The following MYO5B variants were observed in gnomAD, a reference collection of about 807,000 sequenced individuals.
MYO5B encodes myosin VB, also known as unconventional myosin-Vb.
A neutral mutation model predicts 229.3 loss-of-function variants in MYO5B; 143 were observed. That is an observed-to-expected ratio of 0.62 (90% CI 0.54 to 0.72). The LOEUF (loss-of-function observed/expected upper bound fraction) is 0.72. MYO5B is among the 30% of genes least tolerant of loss of function. MYO5B has a pLI of 0.00. For missense variants in MYO5B, 2,321 were observed against 2,331.0 expected (o/e 1.00, Z 0.09); for synonymous variants, 918 against 885.2 (o/e 1.04, Z -0.66).
chr18:49,996,734 A>T (rs989509161), intron 5 of MYO5B, among the ~76,000 whole-genome samples: 1 of 152,266 alleles, frequency 6.6e-6, no homozygotes, highest in African/African-American at 2.4e-5. Flanking sequence ...GTATGGGAAA[A>T]GCTCTAAGAA....
At chr18:49,884,519 A>G (rs1040661866) in intron 22 of MYO5B, among the ~76,000 whole-genome samples, 2 of 151,908 alleles carry the variant, frequency 1.3e-5, no homozygotes, top group Admixed American at 1.3e-4. Context: ...AGAGTCTTAT[A>G]AGGAAAGTGT....
intron 1 of MYO5B, among the ~76,000 whole-genome samples, chr18:50,057,571 C>T (rs1302008890): frequency 6.6e-6 from 1 of 152,146 alleles, no homozygotes; most frequent in Non-Finnish European, 1.5e-5. Context: ...TAGTTGCATC[C>T]AGCACTGAAG....
At chr18:50,037,040 C>T (rs762271562) in intron 3 of MYO5B, 46 bp from the exon 4 acceptor site, 4 of 1,612,024 alleles carry the variant, frequency 2.5e-6, no homozygotes, top group East Asian at 2.2e-5. Flanking sequence ...CAGAAGACAC[C>T]TGGCATTATT....
intron 10 of MYO5B, among the ~76,000 whole-genome samples, chr18:49,969,390 T>C (rs1484360472): frequency 6.6e-6 from 1 of 152,232 alleles, no homozygotes; most frequent in African/African-American, 2.4e-5. Flanking sequence ...AGAAGTTTAC[T>C]TAAAATATAT....
rs2025922373 is a variant in MYO5B at position 49,990,700 on chromosome 18, G to C, written c.757-180C>G. Among the ~76,000 whole-genome samples the C allele has an allele frequency of 3.3e-5, 5 of 152,068 alleles. No homozygotes were observed. In the South Asian group the frequency reaches 1.0e-3, roughly 32 times the overall value. On this transcript the variant is annotated intron_variant, in intron 6 of 39. Transcript: ENST00000285039. ...TTCCGACTTTCTATTCACTCTTATG[G>C]GGACTTCTTCCAACCTGAGGATTTA... is the stretch of plus-strand genomic sequence containing the variant.
At chr18:50,114,262 T>C (rs1249568814) in intron 1 of MYO5B, among the ~76,000 whole-genome samples, 1 of 152,254 alleles carries the variant, frequency 6.6e-6, no homozygotes, top group Non-Finnish European at 1.5e-5. Flanking sequence ...CGTGCTGTTA[T>C]AATACTGAGT....
At chr18:50,182,475 C>T (rs1185162683) in intron 1 of MYO5B, among the ~76,000 whole-genome samples, 1 of 152,094 alleles carries the variant, frequency 6.6e-6, no homozygotes, top group African/African-American at 2.4e-5. Context: ...AAATGATAAC[C>T]TTGAGAAGGT....
chr18:50,179,028 T>TA (rs1392370162), intron 1 of MYO5B, among the ~76,000 whole-genome samples: 2 of 151,988 alleles, frequency 1.3e-5, no homozygotes, highest in Non-Finnish European at 2.9e-5. Context: ...GAAGAGGAGA[T>TA]AAAATCCAAG....
chr18:50,103,999 T>TAA (rs34686037), intron 1 of MYO5B, among the ~76,000 whole-genome samples: 57 of 131,874 alleles, frequency 4.3e-4, no homozygotes, highest in African/African-American at 1.1e-3. Flanking sequence ...CCATCTCCAT[T>TAA]AAAAAAAAAA....
chr18:49,954,024 ATGTGTGTGTGTGTGTGTG>A (rs766610907), intron 13 of MYO5B, among the ~76,000 whole-genome samples: 94 of 51,134 alleles, frequency 1.8e-3, no homozygotes, highest in African/African-American at 4.1e-3. Context: ...ATGTATTTAT[ATGTGTGTGTGTGTGTGTG>A]TGTGTGTGTG....
chr18:49,984,482 G>C (rs2025849797), intron 8 of MYO5B, among the ~76,000 whole-genome samples: 1 of 152,220 alleles, frequency 6.6e-6, no homozygotes, highest in African/African-American at 2.4e-5. Context: ...CAGTGCCTGG[G>C]AGAGGGACTC....
chr18:49,963,739 TATC>T lies in MYO5B; in HGVS notation c.1323-712_1323-710del, dbSNP rs142786092. 2.0e-3 allele frequency among the ~76,000 whole-genome samples: 312 copies of T among 152,278 alleles called. 1 individual carries two copies. Among genetic ancestry groups the T allele is most frequent in the African/African-American group, 7.3e-3 (303 of 41,552 alleles). On this transcript the variant is annotated intron_variant, in intron 10 of 39. Coordinates refer to ENST00000285039, the MANE Select transcript of MYO5B (RefSeq NM_001080467.3). ...CACCACACCTGGCCTTACCTTCTATTATCATCATTTAACATTCCATTGAAAACA... is the reference window on the plus strand; with the variant it reads ...CACCACACCTGGCCTTACCTTCTATTATCATTTAACATTCCATTGAAAACA...
At chr18:49,858,985 G>A (rs1205034738) in intron 29 of MYO5B, among the ~76,000 whole-genome samples, 1 of 152,202 alleles carries the variant, frequency 6.6e-6, no homozygotes, top group Non-Finnish European at 1.5e-5. Context: ...GAAAATGTAA[G>A]TGCTTGATAT....
intron 12 of MYO5B, among the ~76,000 whole-genome samples, chr18:49,958,781 A>T (rs1044562183): frequency 1.3e-5 from 2 of 151,786 alleles, no homozygotes; most frequent in African/African-American, 4.8e-5. Context: ...CACCCAAGGG[A>T]CTCACGGAGG....
At chr18:49,918,365 C>T (rs1302084207) in intron 17 of MYO5B, among the ~76,000 whole-genome samples, 2 of 152,196 alleles carry the variant, frequency 1.3e-5, no homozygotes, top group Non-Finnish European at 2.9e-5. Context: ...CGGCATAAGG[C>T]CCTAAGTCAC....
At position 49,853,675 on chromosome 18, in the gene MYO5B, C is replaced by A. The variant is rs777188941; in HGVS notation, c.4023-28G>T. ...GTGCCAGGGAGAGGACAGGTGAGCA[C>A]GTGGCCCAGGCCAGGGCCCCCATCT... On this transcript the variant is annotated intron_variant, in intron 30 of 39. Coordinates refer to ENST00000285039, the MANE Select transcript of MYO5B (RefSeq NM_001080467.3). 2.5e-6 allele frequency: 4 copies of A among 1,603,860 alleles called. No homozygotes were observed. In the East Asian group the frequency reaches 8.9e-5, roughly 36 times the overall value.
intron 1 of MYO5B, among the ~76,000 whole-genome samples, chr18:50,121,819 G>A (rs2032062039): frequency 6.6e-6 from 1 of 152,226 alleles, no homozygotes; most frequent in Admixed American, 6.5e-5. Flanking sequence ...TGTAGGTCCT[G>A]ACTCATGGAT....
intron 1 of MYO5B, among the ~76,000 whole-genome samples, chr18:50,057,732 C>T (rs1366193619): frequency 1.3e-5 from 2 of 152,180 alleles, no homozygotes; most frequent in African/African-American, 2.4e-5. Flanking sequence ...CAAAACCTAT[C>T]ACAACATAAG....
At chr18:49,889,566 C>T (rs1428284980) in intron 22 of MYO5B, among the ~76,000 whole-genome samples, 1 of 152,142 alleles carries the variant, frequency 6.6e-6, no homozygotes, top group East Asian at 1.9e-4. Flanking sequence ...AGTAACCAGA[C>T]CTTACCATGG....
Sources: gnomAD v4.1 joint callset for allele counts (sites outside exome capture counted in the v4.1 genomes callset) on GRCh38, gnomAD v4.1.1 for gene constraint, MANE v1.5 for transcripts, NCBI Gene and HGNC (gene_info 2026-07-23, HGNC 2026-07-21) for gene names.